UEVLD: variants seen among roughly 807,000 people sequenced by gnomAD.
The protein encoded by UEVLD is ubiquitin-conjugating enzyme E2 variant 3.
A neutral mutation model predicts 58.6 loss-of-function variants in UEVLD; 47 were observed. The observed-to-expected ratio is 0.80, with a 90% CI of 0.63 to 1.02. The LOEUF is 1.02. UEVLD is among the 50% of genes least tolerant of loss of function. UEVLD has a pLI of 0.00. For synonymous variants in UEVLD, 197 were observed against 195.3 expected (o/e 1.01, Z -0.07); for missense variants, 510 against 550.6 (o/e 0.93, Z 0.74).
At chr11:18,582,974 G>A (rs1206659977) in intron 1 of UEVLD, among the ~76,000 whole-genome samples, 1 of 152,194 alleles carries the variant, frequency 6.6e-6, no homozygotes, top group African/African-American at 2.4e-5. Context: ...CCAGGCTGGA[G>A]TGCAATGGCG....
In UEVLD at chr11:18,530,879, C is replaced by A. The variant is rs1850536885; in HGVS notation, c.*1441G>T. 1 of 152,326 alleles carries A rather than the reference C, an allele frequency of 6.6e-6. No individual in the cohort carries two copies. The highest frequency in any genetic ancestry group is 2.1e-4 in the South Asian group (1 of 4,824). 9.4% of individuals were successfully genotyped at this position (152,326 alleles called of 1,614,324 possible). On this transcript the variant is annotated 3_prime_UTR_variant, in exon 12 of 12. Transcript: ENST00000396197. ...TAGCTGGGACTACAGGCACCTGCCA[C>A]CACGCCTGGCTAACTTTTTGTATTT...
intron 9 of UEVLD, 71 bp downstream of exon 9, chr11:18,544,552 G>T: frequency 6.6e-7 from 1 of 1,512,262 alleles, no homozygotes; most frequent in Admixed American, 2.3e-5. Context: ...AAGCAATCCT[G>T]CCTTGGCCTC....
rs1468417763 is a variant in UEVLD at position 18,547,052 on chromosome 11, T to G, written c.716-2A>C. The G allele has an allele frequency of 1.2e-6, 2 of 1,608,302 alleles. No individual in the cohort carries two copies. The highest frequency in any genetic ancestry group is 4.5e-5 in the East Asian group (2 of 44,860). On this transcript the variant is annotated splice_acceptor_variant, in intron 7 of 11. Coordinates refer to ENST00000396197, the MANE Select transcript of UEVLD (RefSeq NM_001040697.4). LOFTEE classifies it high-confidence loss of function. ...TGGAATGAGCAGAGGCAGACAAATCTAGTGAATGAAAAGAAACAGTCTGAG... is the reference window on the plus strand; with the variant it reads ...TGGAATGAGCAGAGGCAGACAAATCGAGTGAATGAAAAGAAACAGTCTGAG...
chr11:18,552,159 A>G (rs1458329537), intron 7 of UEVLD, among the ~76,000 whole-genome samples: 1 of 152,258 alleles, frequency 6.6e-6, no homozygotes, highest in African/African-American at 2.4e-5. Context: ...AAATTATTTA[A>G]TATGACCCAA....
intron 1 of UEVLD, among the ~76,000 whole-genome samples, chr11:18,588,244 G>A (rs1853685897): frequency 6.6e-6 from 1 of 152,120 alleles, no homozygotes; most frequent in Non-Finnish European, 1.5e-5. Flanking sequence ...GACTGAGTTG[G>A]GTCTTACAAA....
intron 5 of UEVLD, among the ~76,000 whole-genome samples, chr11:18,565,550 C>G (rs938709142): frequency 1.3e-5 from 2 of 152,184 alleles, no homozygotes; most frequent in African/African-American, 4.8e-5. Flanking sequence ...GAAACCTGGC[C>G]AGGCCCGGTG....
intron 1 of UEVLD, among the ~76,000 whole-genome samples, chr11:18,586,237 T>TG (rs1379754218): frequency 6.6e-6 from 1 of 152,024 alleles, no homozygotes; most frequent in African/African-American, 2.4e-5. Context: ...TTTTTTGAGA[T>TG]GGGGTCTCCC....
At chr11:18,563,328 T>A (rs775734839) in intron 6 of UEVLD, among the ~76,000 whole-genome samples, 1 of 152,124 alleles carries the variant, frequency 6.6e-6, no homozygotes, top group East Asian at 1.9e-4. Context: ...CAGTGGGGCA[T>A]GCTTGTACTC....
intron 5 of UEVLD, among the ~76,000 whole-genome samples, chr11:18,565,832 AT>A (rs1474174672): frequency 2.6e-5 from 4 of 152,224 alleles, no homozygotes; most frequent in Admixed American, 6.5e-5. Context: ...AAATAAAAAA[AT>A]AAATAATATT....
intron 4 of UEVLD, 71 bp downstream of exon 4, chr11:18,570,143 A>G: frequency 7.1e-7 from 1 of 1,410,802 alleles, no homozygotes; most frequent in Non-Finnish European, 9.6e-7. Flanking sequence ...ACTTATTTGT[A>G]CCAGCAGAAT....
chr11:18,536,590 C>G, intron 9 of UEVLD, 121 bp from the exon 10 acceptor site: 1 of 816,366 alleles, frequency 1.2e-6, no homozygotes, highest in East Asian at 2.7e-5. Flanking sequence ...TTTCTCATTT[C>G]TAGCAAGTTA....
intron 5 of UEVLD, 104 bp downstream of exon 5, chr11:18,566,243 A>T (rs1471022507): frequency 9.4e-5 from 141 of 1,504,314 alleles, no homozygotes; most frequent in Non-Finnish European, 1.3e-4. Context: ...GTACATACGC[A>T]CACAAATTTA....
At chr11:18,580,888 C>T (rs1198106777) in intron 1 of UEVLD, among the ~76,000 whole-genome samples, 4 of 152,044 alleles carry the variant, frequency 2.6e-5, no homozygotes, top group Non-Finnish European at 5.9e-5. Context: ...GCTCGCCAGG[C>T]GCGGTGGCTC....
rs950223581 is a variant in UEVLD, at chr11:18,532,163, T to A, written c.*157A>T. 8.2e-6 allele frequency: 5 copies of A among 612,476 alleles called. No homozygotes were observed. In the Admixed American group the frequency reaches 1.8e-4, roughly 23 times the overall value. 37.9% of individuals were successfully genotyped at this position (612,476 alleles called of 1,614,324 possible). A position where few individuals can be genotyped will look rare whatever the true frequency, so the allele number is the denominator to read the frequency against. On this transcript the variant is annotated 3_prime_UTR_variant, in exon 12 of 12. Coordinates refer to ENST00000396197, the MANE Select transcript of UEVLD (RefSeq NM_001040697.4). ...CCCTCCTTGTATAACTCCTTAAGGATTTACATCACAAAGCTAATCAAGAAA... is the reference window on the plus strand; with the variant it reads ...CCCTCCTTGTATAACTCCTTAAGGAATTACATCACAAAGCTAATCAAGAAA...
Position 18,532,411 on chromosome 11 carries a change from A to G in UEVLD, c.1325T>C (p.Ile442Thr), listed in dbSNP as rs147462573. 1,467 of 1,613,628 alleles carry G rather than the reference A, an allele frequency of 9.1e-4. 12 individuals carry two copies. In the African/African-American group the frequency reaches 0.018, roughly 20 times the overall value. ...TGTATCTTCTTTCAGTGTGGTTTTGATAACTTCAGATACTCCATTGGTTCC... is the reference window on the plus strand; with the variant it reads ...TGTATCTTCTTTCAGTGTGGTTTTGGTAACTTCAGATACTCCATTGGTTCC... ...ILGTNGVSEV[I>T]KTTLKEDTVT... Residue 442 changes from isoleucine to threonine, a missense_variant, in exon 12 of 12, where the codon ATC becomes ACC. Physicochemically the swap from Ile to Thr is moderately conservative, Grantham distance 89. Transcript: ENST00000396197.
rs1565115507 is a variant in UEVLD at position 18,547,080 on chromosome 11, G to A, written c.716-30C>T. Reference sequence around the variant, plus strand: ...TGAATGAAAAGAAACAGTCTGAGCTGAAGATACAGGCTTTAATCAAGTTCT... The same window carrying A: ...TGAATGAAAAGAAACAGTCTGAGCTAAAGATACAGGCTTTAATCAAGTTCT... On this transcript the variant is annotated intron_variant, in intron 7 of 11. Coordinates refer to ENST00000396197, the MANE Select transcript of UEVLD (RefSeq NM_001040697.4). 5 of 1,592,402 alleles carry A rather than the reference G, an allele frequency of 3.1e-6. No individual in the cohort carries two copies. The Admixed American group carries it at 9.3e-5, about 30-fold the overall frequency.
At chr11:18,546,237 A>G (rs1239153999) in intron 8 of UEVLD, among the ~76,000 whole-genome samples, 1 of 152,240 alleles carries the variant, frequency 6.6e-6, no homozygotes, top group Admixed American at 6.5e-5. Context: ...TTCAGAATTA[A>G]CAAAATATCA....
chr11:18,557,626 C>A (rs898866502), intron 7 of UEVLD, among the ~76,000 whole-genome samples: 2 of 150,090 alleles, frequency 1.3e-5, no homozygotes, highest in African/African-American at 4.9e-5. Context: ...TTCACAGTCA[C>A]AATCCTAGTG....
At chr11:18,570,434 T>C in intron 3 of UEVLD, 57 bp from the exon 4 acceptor site, 1 of 1,438,154 alleles carries the variant, frequency 7.0e-7, no homozygotes, top group East Asian at 2.6e-5. Context: ...CACATTATGA[T>C]ATAGCTAGGC....
Sources: allele counts gnomAD v4.1 joint callset (sites outside exome capture counted in the v4.1 genomes callset), GRCh38; gene constraint gnomAD v4.1.1; transcripts MANE v1.5; gene names NCBI Gene and HGNC (gene_info 2026-07-23, HGNC 2026-07-21).